Variants in MAPK4 observed in about 807,000 individuals in gnomAD.
MAPK4 encodes the protein Erk3-related.
Under a neutral mutation model 47.7 loss-of-function variants are expected in MAPK4, and 22 were observed. The ratio of observed to expected loss-of-function variants is 0.46; its 90% CI spans 0.33 to 0.66. The LOEUF (loss-of-function observed/expected upper bound fraction) is 0.66. Among genes scored for constraint, MAPK4 ranks in the 30% least tolerant of loss-of-function variants. The probability of loss-of-function intolerance (pLI) is 0.02; values close to 1 mark genes in which losing one functional copy is unlikely to be tolerated. For missense variants in MAPK4, 736 were observed against 831.7 expected (o/e 0.88, Z 1.42); for synonymous variants, 390 against 365.7 (o/e 1.07, Z -0.76).
intron 1 of MAPK4, among the ~76,000 whole-genome samples, chr18:50,566,536 G>T (rs1327260523): frequency 6.6e-6 from 1 of 152,234 alleles, no homozygotes; most frequent in Non-Finnish European, 1.5e-5. Flanking sequence ...GTGTGTTGGT[G>T]TAGGGAGACC....
chr18:50,596,243 C>T (rs1009973667), intron 1 of MAPK4, among the ~76,000 whole-genome samples: 4 of 152,110 alleles, frequency 2.6e-5, no homozygotes, highest in African/African-American at 9.7e-5. Context: ...GTAAGGGGTG[C>T]GGGTAGAGCT....
intron 1 of MAPK4, among the ~76,000 whole-genome samples, chr18:50,634,150 C>A (rs1431073227): frequency 6.6e-6 from 1 of 152,110 alleles, no homozygotes; most frequent in African/African-American, 2.4e-5. Flanking sequence ...CCGGTGCCTC[C>A]CTTCCTATCA....
chr18:50,593,529 C>A (rs534600160), intron 1 of MAPK4, among the ~76,000 whole-genome samples: 1 of 152,166 alleles, frequency 6.6e-6, no homozygotes, highest in Non-Finnish European at 1.5e-5. Flanking sequence ...TGAAGTGGAA[C>A]GAATCCTAAA....
chr18:50,603,795 G>C (rs2041956300), intron 1 of MAPK4, among the ~76,000 whole-genome samples: 1 of 152,158 alleles, frequency 6.6e-6, no homozygotes, highest in Non-Finnish European at 1.5e-5. Flanking sequence ...TCATTGCACT[G>C]GTGTGAAATG....
chr18:50,575,877 A>G (rs1353333915), intron 1 of MAPK4, among the ~76,000 whole-genome samples: 4 of 152,178 alleles, frequency 2.6e-5, no homozygotes, highest in African/African-American at 9.7e-5. Flanking sequence ...CATGTGGCAA[A>G]CAAGCATATG....
chr18:50,613,833 G>T lies in MAPK4; in HGVS notation c.-870-49256G>T, dbSNP rs183689697. Among the ~76,000 whole-genome samples the T allele has an allele frequency of 3.0e-3, 454 of 152,208 alleles. 1 individual carries two copies. The highest frequency in any genetic ancestry group is 4.8e-3 in the Non-Finnish European group (328 of 68,012). On this transcript the variant is annotated intron_variant, in intron 1 of 5. Transcript: ENST00000400384. ...CTGACTTATCTAGGAAGTAAGCCAGGGCATTGCATTGTTTAGGACATAAGT... is the reference window on the plus strand; with the variant it reads ...CTGACTTATCTAGGAAGTAAGCCAGTGCATTGCATTGTTTAGGACATAAGT...
chr18:50,607,301 G>A (rs1006795440), intron 1 of MAPK4, among the ~76,000 whole-genome samples: 2 of 152,168 alleles, frequency 1.3e-5, no homozygotes, highest in African/African-American at 4.8e-5. Context: ...TTTTCGAGAG[G>A]TGAATTAACT....
Position 50,607,014 on chromosome 18 carries a change from A to G in MAPK4, c.-871+46771A>G, listed in dbSNP as rs947978372. 2.0e-5 allele frequency among the ~76,000 whole-genome samples: 3 copies of G among 152,362 alleles called. No homozygotes were observed. In the East Asian group the frequency reaches 5.8e-4, roughly 29 times the overall value. ...AGCGTGGTTAAGAAATAAACCTGGCAGTGTTAAGCCAGTGCGATTTTGATG... is the reference window on the plus strand; with the variant it reads ...AGCGTGGTTAAGAAATAAACCTGGCGGTGTTAAGCCAGTGCGATTTTGATG... On this transcript the variant is annotated intron_variant, in intron 1 of 5. Coordinates refer to ENST00000400384, the MANE Select transcript of MAPK4 (RefSeq NM_002747.4).
chr18:50,614,285 T>C (rs1016323765), intron 1 of MAPK4, among the ~76,000 whole-genome samples: 2 of 152,106 alleles, frequency 1.3e-5, no homozygotes, highest in Admixed American at 1.3e-4. Flanking sequence ...TAAATGTGTG[T>C]CAAATTTGAA....
intron 1 of MAPK4, among the ~76,000 whole-genome samples, chr18:50,619,864 C>T (rs1040016909): frequency 1.3e-5 from 2 of 152,208 alleles, no homozygotes; most frequent in Non-Finnish European, 1.5e-5. Context: ...TTTCTCTCTG[C>T]GGTGCTAGTG....
At position 50,729,542 on chromosome 18, in the gene MAPK4, C is replaced by T. The variant is rs781477977; in HGVS notation, c.1452C>T (p.Asp484=). ...TGLADTGARE[D]EPASLFLEIA... ...TGGCGGACACGGGGGCGCGCGAGGA[C>T]GAGCCGGCCAGCCTCTTCCTGGAGA... Residue 484 remains aspartate (D), a synonymous_variant, in exon 6 of 6, where the codon GAC becomes GAT. Transcript: ENST00000400384. The T allele has an allele frequency of 1.4e-4, 198 of 1,428,362 alleles. No individual in the cohort carries two copies. The highest frequency in any genetic ancestry group is 8.0e-4 in the Admixed American group (27 of 33,822). 88.5% of individuals were successfully genotyped at this position (1,428,362 alleles called of 1,614,324 possible). A position where few individuals can be genotyped will look rare whatever the true frequency, so the allele number is the denominator to read the frequency against.
chr18:50,655,064 G>C (rs369358318), intron 1 of MAPK4, among the ~76,000 whole-genome samples: 100 of 152,268 alleles, frequency 6.6e-4, no homozygotes, highest in African/African-American at 2.3e-3. Context: ...GGGAGGTGAA[G>C]ATAACAGGGT....
At chr18:50,647,628 C>T (rs989401323) in intron 1 of MAPK4, among the ~76,000 whole-genome samples, 1 of 152,148 alleles carries the variant, frequency 6.6e-6, no homozygotes, top group African/African-American at 2.4e-5. Context: ...CTCCCAGCTT[C>T]TTTCGATGCC....
Position 50,729,239 on chromosome 18 carries a change from C to A in MAPK4, c.1149C>A (p.Arg383=). The A allele has an allele frequency of 6.2e-7, 1 of 1,608,240 alleles. No individual in the cohort carries two copies. Among genetic ancestry groups the A allele is most frequent in the South Asian group, 1.1e-5 (1 of 90,920 alleles). ...CCAGCGAGGTACAGCGCGACCCGCG[C>A]GCGGGTTCGGCGCCACTGGCTGAGG... ...QDASEVQRDP[R]AGSAPLAEDV... The change falls in exon 6 of 6, where the codon CGC becomes CGA. Residue 383 remains arginine, a synonymous_variant. Transcript: ENST00000400384.
intron 1 of MAPK4, among the ~76,000 whole-genome samples, chr18:50,613,642 A>G (rs1055861077): frequency 6.6e-6 from 1 of 152,272 alleles, no homozygotes; most frequent in Non-Finnish European, 1.5e-5. Flanking sequence ...TAACTAATAC[A>G]TGCACGTATC....
chr18:50,597,852 T>A (rs1568039466), intron 1 of MAPK4, among the ~76,000 whole-genome samples: 1 of 152,204 alleles, frequency 6.6e-6, no homozygotes, highest in Non-Finnish European at 1.5e-5. Context: ...TGCAAGATGA[T>A]GGAGAAAGTT....
chr18:50,642,429 G>A (rs974877172), intron 1 of MAPK4, among the ~76,000 whole-genome samples: 1 of 152,058 alleles, frequency 6.6e-6, no homozygotes, highest in Non-Finnish European at 1.5e-5. Flanking sequence ...AAAAACTGCT[G>A]GTGTATGCAT....
intron 2 of MAPK4, among the ~76,000 whole-genome samples, chr18:50,708,732 T>A (rs954224901): frequency 1.3e-5 from 2 of 152,144 alleles, no homozygotes; most frequent in Non-Finnish European, 2.9e-5. Context: ...GTCTCTCTTA[T>A]GTGCGAGGCA....
rs775584394 is a variant in MAPK4, at chr18:50,729,226, A to G, written c.1136A>G (p.Gln379Arg). The G allele has an allele frequency of 2.4e-5, 38 of 1,607,438 alleles. No individual in the cohort carries two copies. Among genetic ancestry groups the G allele is most frequent in the Non-Finnish European group, 2.5e-5 (29 of 1,175,738 alleles). The change falls in exon 6 of 6, where the codon CAG (glutamine) becomes CGG (arginine). Residue 379 changes from glutamine to arginine, a missense_variant. Coordinates refer to ENST00000400384, the MANE Select transcript of MAPK4 (RefSeq NM_002747.4). Reference protein sequence around the residue: ...PDRCQDASEVQRDPRAGSAPL... With the variant: ...PDRCQDASEVRRDPRAGSAPL... ...CGGTGCCAGGACGCCAGCGAGGTAC[A>G]GCGCGACCCGCGCGCGGGTTCGGCG...
Sources: allele counts gnomAD v4.1 joint callset (sites outside exome capture counted in the v4.1 genomes callset), GRCh38; gene constraint gnomAD v4.1.1; transcripts MANE v1.5; gene names NCBI Gene and HGNC (gene_info 2026-07-23, HGNC 2026-07-21).